The following SOX5 variants were observed in gnomAD, a reference collection of about 807,000 sequenced individuals.
The protein encoded by SOX5 is SRY-box transcription factor 5.
Under a neutral mutation model 92.0 loss-of-function variants are expected in SOX5, and 9 were observed. The ratio of observed to expected loss-of-function variants is 0.10; its 90% CI spans 0.06 to 0.17. The LOEUF (loss-of-function observed/expected upper bound fraction) is 0.17. Ranked by LOEUF, SOX5 falls within the 10% of genes least tolerant of loss-of-function variation. The probability of loss-of-function intolerance (pLI) is 1.00; values close to 1 mark genes in which losing one functional copy is unlikely to be tolerated. For missense variants in SOX5, 642 were observed against 944.5 expected (o/e 0.68, Z 4.20); for synonymous variants, 344 against 336.3 (o/e 1.02, Z -0.25).
chr12:23,595,375 C>A lies in SOX5; in HGVS notation c.1164+9012G>T, dbSNP rs149760175. Reference sequence around the variant, plus strand: ...CGGTGGCTCACGCCTGTAATCCCAGCACTTTGGGAGGCCGAGGCCGGCGGA... The same window carrying A: ...CGGTGGCTCACGCCTGTAATCCCAGAACTTTGGGAGGCCGAGGCCGGCGGA... On this transcript the variant is annotated intron_variant, in intron 9 of 14. Transcript: ENST00000451604. Among the ~76,000 whole-genome samples, 101 of 152,174 alleles carry A rather than the reference C, an allele frequency of 6.6e-4. 1 individual carries two copies. Among genetic ancestry groups the A allele is most frequent in the African/African-American group, 2.3e-3 (97 of 41,508 alleles).
intron 2 of SOX5, among the ~76,000 whole-genome samples, chr12:24,288,865 C>A (rs1017641338): frequency 2.0e-5 from 3 of 152,110 alleles, no homozygotes; most frequent in African/African-American, 7.2e-5. Context: ...TTTCAATAGA[C>A]ATTATAATAA....
chr12:24,496,197 C>T (rs1947620669), intron 1 of SOX5, among the ~76,000 whole-genome samples: 1 of 152,168 alleles, frequency 6.6e-6, no homozygotes, highest in South Asian at 2.1e-4. Flanking sequence ...GCAACTCCTA[C>T]ACAAGCAAAA....
intron 1 of SOX5, among the ~76,000 whole-genome samples, chr12:24,530,240 C>A (rs1566402647): frequency 6.6e-6 from 1 of 152,090 alleles, no homozygotes; most frequent in African/African-American, 2.4e-5. Context: ...TTTATTCTCA[C>A]AAAAAATTCT....
intron 1 of SOX5, among the ~76,000 whole-genome samples, chr12:23,934,487 C>T (rs1190739057): frequency 6.7e-6 from 1 of 148,306 alleles, no homozygotes; most frequent in Non-Finnish European, 1.5e-5. Flanking sequence ...ATATATATGT[C>T]TAATATATAA....
intron 9 of SOX5, among the ~76,000 whole-genome samples, chr12:23,595,162 T>G (rs991674456): frequency 6.6e-6 from 1 of 152,170 alleles, no homozygotes; most frequent in Non-Finnish European, 1.5e-5. Flanking sequence ...ATAATATTTG[T>G]TGAATCAGTG....
intron 4 of SOX5, among the ~76,000 whole-genome samples, chr12:24,093,968 C>A (rs182304994): frequency 6.6e-6 from 1 of 152,040 alleles, no homozygotes; most frequent in African/African-American, 2.4e-5. Flanking sequence ...TGTTTTGGAA[C>A]AAAGTTTTGC....
intron 6 of SOX5, among the ~76,000 whole-genome samples, chr12:23,699,859 T>C (rs2090380987): frequency 6.6e-6 from 1 of 152,080 alleles, no homozygotes; most frequent in Non-Finnish European, 1.5e-5. Flanking sequence ...CAGTGTAGCC[T>C]AGTGGTTAAG....
At chr12:24,391,731 C>T (rs553255125) in intron 1 of SOX5, among the ~76,000 whole-genome samples, 1 of 152,254 alleles carries the variant, frequency 6.6e-6, no homozygotes, top group East Asian at 1.9e-4. Context: ...CCCATACTGG[C>T]TTCTGGTGAA....
intron 3 of SOX5, among the ~76,000 whole-genome samples, chr12:23,831,060 A>G (rs549719960): frequency 2.0e-5 from 3 of 152,252 alleles, no homozygotes; most frequent in African/African-American, 7.2e-5. Flanking sequence ...TAGCACCCAT[A>G]AAATAAGTCT....
chr12:24,436,447 C>A (rs1456105031), intron 1 of SOX5, among the ~76,000 whole-genome samples: 1 of 152,190 alleles, frequency 6.6e-6, no homozygotes, highest in Non-Finnish European at 1.5e-5. Context: ...ATTCCCTTAA[C>A]CCAAAGCCTA....
chr12:23,817,510 G>C (rs1224999303), intron 3 of SOX5, among the ~76,000 whole-genome samples: 1 of 152,166 alleles, frequency 6.6e-6, no homozygotes, highest in Non-Finnish European at 1.5e-5. Flanking sequence ...ATCCAGATAA[G>C]CTGGCATGAT....
At chr12:23,963,765 T>TAAAAAAAA (rs60053598) in intron 4 of SOX5, among the ~76,000 whole-genome samples, 2 of 125,830 alleles carry the variant, frequency 1.6e-5, no homozygotes, top group Admixed American at 8.3e-5. Flanking sequence ...ATGAATGAAG[T>TAAAAAAAA]AAAAAAAAAA....
At chr12:23,789,681 A>G (rs188427792) in intron 3 of SOX5, among the ~76,000 whole-genome samples, 11 of 152,260 alleles carry the variant, frequency 7.2e-5, no homozygotes, top group Admixed American at 6.5e-4. Flanking sequence ...AAAGAAAATC[A>G]TATTTACAAA....
At chr12:24,119,935 T>C (rs914723727) in intron 4 of SOX5, among the ~76,000 whole-genome samples, 12 of 152,346 alleles carry the variant, frequency 7.9e-5, no homozygotes, top group African/African-American at 2.9e-4. Context: ...ATATAGTATT[T>C]TGTGTTTGGC....
chr12:23,922,239 TAAAA>T (rs1002668462), intron 1 of SOX5, among the ~76,000 whole-genome samples: 4 of 151,870 alleles, frequency 2.6e-5, no homozygotes, highest in African/African-American at 2.4e-5. Context: ...TCAGTCTTGA[TAAAA>T]AGAAAGAAAG....
At chr12:24,119,844 G>A (rs1353155662) in intron 4 of SOX5, among the ~76,000 whole-genome samples, 1 of 151,908 alleles carries the variant, frequency 6.6e-6, no homozygotes, top group Non-Finnish European at 1.5e-5. Flanking sequence ...TCCTTTCCAG[G>A]GTAACAACTA....
At chr12:24,375,250 G>A (rs1026411851) in intron 1 of SOX5, among the ~76,000 whole-genome samples, 8 of 151,884 alleles carry the variant, frequency 5.3e-5, no homozygotes, top group East Asian at 2.0e-4. Flanking sequence ...TGGGATTACA[G>A]GCGTGAGCCA....
At chr12:24,335,128 G>A (rs1298532101) in intron 2 of SOX5, among the ~76,000 whole-genome samples, 3 of 151,948 alleles carry the variant, frequency 2.0e-5, no homozygotes, top group African/African-American at 7.3e-5. Flanking sequence ...CCATTCTAAT[G>A]CTACAAACCA....
intron 2 of SOX5, among the ~76,000 whole-genome samples, chr12:23,861,607 G>A (rs1025954579): frequency 4.6e-5 from 7 of 152,012 alleles, no homozygotes; most frequent in Non-Finnish European, 8.8e-5. Flanking sequence ...TAAAAATGCC[G>A]ATTGATAATA....
Sources: allele counts gnomAD v4.1 joint callset (sites outside exome capture counted in the v4.1 genomes callset), GRCh38; gene constraint gnomAD v4.1.1; transcripts MANE v1.5; gene names NCBI Gene and HGNC (gene_info 2026-07-23, HGNC 2026-07-21).